TNFAIP3: variants seen among roughly 807,000 people sequenced by gnomAD.
TNFAIP3 encodes the protein tumor necrosis factor alpha-induced protein 3.
TNFAIP3 carries 9 observed loss-of-function variants against 72.4 expected under a neutral mutation model. The ratio of observed to expected loss-of-function variants is 0.12; its 90% CI spans 0.07 to 0.22. TNFAIP3 has a LOEUF of 0.22. TNFAIP3 is among the 10% of genes least tolerant of loss of function. The pLI, the probability that TNFAIP3 is intolerant of heterozygous loss-of-function variation, is 1.00. For synonymous variants in TNFAIP3, 339 were observed against 372.6 expected, an observed-to-expected ratio of 0.91 and a Z score of 1.04; for missense variants, 833 against 1,018.7, an observed-to-expected ratio of 0.82 and a Z score of 2.48.
chr6:137,881,207 C>T lies in TNFAIP3; in HGVS notation c.2261C>T (p.Pro754Leu), dbSNP rs746478308. The T allele has an allele frequency of 9.9e-6, 16 of 1,612,970 alleles. No individual in the cohort carries two copies. Among genetic ancestry groups the T allele is most frequent in the Non-Finnish European group, 1.4e-5 (16 of 1,179,682 alleles). The change falls in exon 9 of 9, where the codon CCC (proline) becomes CTC (leucine). Residue 754 changes from proline (P) to leucine (L), a missense_variant. By Grantham distance (98) the Pro-to-Leu change is moderately conservative (BLOSUM62 -3). Transcript: ENST00000612899. This position sits in a 1 kb window ranked among gnomAD's most constrained non-coding sequence, Gnocchi z 5.0. ...GGGGCCCACCGGGGTGAGCCTGCCC[C>T]CGAAGACCCCCCCAAGCAGCGTTGC... The part of the protein sequence containing the change: ...GPGAHRGEPA[P>L]EDPPKQRCRA...
intron 2 of TNFAIP3, among the ~76,000 whole-genome samples, chr6:137,872,433 C>G (rs1359382762): frequency 6.6e-6 from 1 of 152,160 alleles, no homozygotes; most frequent in African/African-American, 2.4e-5. Flanking sequence ...GTGACAGTCC[C>G]AAACCATCCT....
chr6:137,875,142 G>A, intron 3 of TNFAIP3, 107 bp downstream of exon 3: 1 of 1,346,884 alleles, frequency 7.4e-7, no homozygotes, highest in Non-Finnish European at 1.0e-6. Context: ...TAGGTCACAT[G>A]AATTTGGCTA....
rs147932545 is a variant in TNFAIP3, at chr6:137,875,752, G to A, written c.551G>A (p.Ser184Asn). ...TCCACAGACACACCCATGGCCCGAAGTGGACTTCAGTACAACTCACTGGAA... is the reference window on the plus strand; with the variant it reads ...TCCACAGACACACCCATGGCCCGAAATGGACTTCAGTACAACTCACTGGAA... ...MASTDTPMARSGLQYNSLEEI... is the reference protein window; with the variant it reads ...MASTDTPMARNGLQYNSLEEI... Residue 184 changes from serine (S) to asparagine (N), a missense_variant, in exon 4 of 9, where the codon AGT becomes AAT. Ser to Asn is a conservative substitution (Grantham distance 46). Around this residue, in one of 2 missense-constraint regions of TNFAIP3, gnomAD observed 246 missense variants for 360.9 expected, o/e 0.68. Coordinates refer to ENST00000612899, the MANE Select transcript of TNFAIP3 (RefSeq NM_001270508.2). 31 of 1,614,116 alleles carry A rather than the reference G, an allele frequency of 1.9e-5. 1 individual carries two copies. The African/African-American group carries it at 3.2e-4, about 17-fold the overall frequency.
At chr6:137,875,599 T>C in intron 3 of TNFAIP3, 89 bp from the exon 4 acceptor site, 1 of 1,428,390 alleles carries the variant, frequency 7.0e-7, no homozygotes. Flanking sequence ...GTTATATAAA[T>C]GAATAATTGT....
Position 137,867,476 on chromosome 6 carries a change from G to A in TNFAIP3, c.-82G>A, listed in dbSNP as rs1013418695. 5.2e-5 allele frequency: 8 copies of A among 152,504 alleles called. No homozygotes were observed. Among genetic ancestry groups the A allele is most frequent in the African/African-American group, 1.9e-4 (8 of 41,520 alleles). 9.4% of individuals were successfully genotyped at this position (152,504 alleles called of 1,614,324 possible). ...ACCAGGACTTGGGACTTTGCGAAAGGATCGCGGGGCCCGGAGAGGTAACCG... is the reference window on the plus strand; with the variant it reads ...ACCAGGACTTGGGACTTTGCGAAAGAATCGCGGGGCCCGGAGAGGTAACCG... On this transcript the variant is annotated 5_prime_UTR_variant, in exon 1 of 9. Transcript: ENST00000612899. The surrounding 1 kb of genome is among the most constrained non-coding windows in gnomAD (Gnocchi z 6.0).
chr6:137,876,172 A>G lies in TNFAIP3; in HGVS notation c.805+6A>G. 6.2e-7 allele frequency: 1 copy of G among 1,606,918 alleles called. No individual in the cohort carries two copies. The highest frequency in any genetic ancestry group is 1.7e-4 in the Middle Eastern group (1 of 6,028). Reference sequence around the variant, plus strand: ...CCTGAAGGACAGTGGGCCTGGTGAGAAAACTGCATTAATTCACATCTATAA... The same window carrying G: ...CCTGAAGGACAGTGGGCCTGGTGAGGAAACTGCATTAATTCACATCTATAA... On this transcript the variant is annotated splice_donor_region_variant and intron_variant, in intron 5 of 8. Transcript: ENST00000612899.
At position 137,882,037 on chromosome 6, in the gene TNFAIP3, C is replaced by T. The variant is rs1345635285; in HGVS notation, c.*718C>T. 1.7e-5 allele frequency: 4 copies of T among 231,132 alleles called. No homozygotes were observed. The highest frequency in any genetic ancestry group is 8.8e-5 in the African/African-American group (4 of 45,206). The allele number at this position is 231,132 out of a possible 1,614,324, so 14.3% of individuals were successfully genotyped here. Reference sequence around the variant, plus strand: ...AATATTTTACTGGGAAGACGTGTAACTCTTTGGGTTATTACTGTCTTTACT... The same window carrying T: ...AATATTTTACTGGGAAGACGTGTAATTCTTTGGGTTATTACTGTCTTTACT... On this transcript the variant is annotated 3_prime_UTR_variant, in exon 9 of 9. Transcript: ENST00000612899.
At chr6:137,869,517 G>A (rs1220568786) in intron 1 of TNFAIP3, among the ~76,000 whole-genome samples, 2 of 152,154 alleles carry the variant, frequency 1.3e-5, no homozygotes, top group Non-Finnish European at 2.9e-5. Context: ...CATCAAAAGA[G>A]AGCACCATCT....
chr6:137,881,286 C>T lies in TNFAIP3; in HGVS notation c.2340C>T (p.Asn780=), dbSNP rs754627876. The T allele has an allele frequency of 9.6e-6, 15 of 1,564,420 alleles. No individual in the cohort carries two copies. Among genetic ancestry groups the T allele is most frequent in the African/African-American group, 2.7e-5 (2 of 73,262 alleles). Residue 780 remains asparagine, a synonymous_variant, in exon 9 of 9, where the codon AAC becomes AAT. Transcript: ENST00000612899. The surrounding 1 kb of genome is among the most constrained non-coding windows in gnomAD (Gnocchi z 5.0). ...ATGCCAAGTGCAACGGCTACTGCAA[C>T]GAATGCTTTCAGTTCAAGCAGATGT... is the stretch of plus-strand genomic sequence containing the variant. The part of the protein sequence containing the change: ...FGNAKCNGYC[N]ECFQFKQMYG
Position 137,882,562 on chromosome 6 carries a change from G to T in TNFAIP3, c.*1243G>T. 4.3e-6 allele frequency: 1 copy of T among 232,512 alleles called. No homozygotes were observed. The highest frequency in any genetic ancestry group is 8.5e-6 in the Non-Finnish European group (1 of 117,510). 14.4% of individuals were successfully genotyped at this position (232,512 alleles called of 1,614,324 possible). ...CTTCTCCTTATGAAACTCCAGCTAT[G>T]TAATAAAAAACTATACTCTGTGTTC... On this transcript the variant is annotated 3_prime_UTR_variant, in exon 9 of 9. Transcript: ENST00000612899.
Position 137,881,191 on chromosome 6 carries a change from C to T in TNFAIP3, c.2245C>T (p.Arg749Trp), listed in dbSNP as rs568826568. 9 of 1,613,542 alleles carry T rather than the reference C, an allele frequency of 5.6e-6. No homozygotes were observed. The highest frequency in any genetic ancestry group is 3.3e-5 in the Admixed American group (2 of 59,990). The change falls in exon 9 of 9, where the codon CGG becomes TGG. Residue 749 changes from arginine to tryptophan, a missense_variant. Around this residue, in one of 2 missense-constraint regions of TNFAIP3, gnomAD observed 587 missense variants for 657.8 expected, o/e 0.89. Coordinates refer to ENST00000612899, the MANE Select transcript of TNFAIP3 (RefSeq NM_001270508.2). The surrounding 1 kb of genome is among the most constrained non-coding windows in gnomAD (Gnocchi z 5.0). ...CCAGAGGATGGGCCCTGGGGCCCAC[C>T]GGGGTGAGCCTGCCCCCGAAGACCC... is the stretch of plus-strand genomic sequence containing the variant. ...PNQRMGPGAH[R>W]GEPAPEDPPK...
At chr6:137,869,825 C>T (rs930023586) in intron 1 of TNFAIP3, among the ~76,000 whole-genome samples, 1 of 152,214 alleles carries the variant, frequency 6.6e-6, no homozygotes, top group Non-Finnish European at 1.5e-5. Context: ...ATGGAATTAA[C>T]AATCACTGTG....
intron 1 of TNFAIP3, among the ~76,000 whole-genome samples, chr6:137,869,188 T>C (rs1314267873): frequency 6.6e-6 from 1 of 152,192 alleles, no homozygotes; most frequent in East Asian, 1.9e-4. Context: ...TGTAACTCCA[T>C]TGCCTTAGCT....
rs1775883570 is a variant in TNFAIP3, at chr6:137,867,630, G to GGCACCA, written c.-16+93_-16+94insAGCACC. 1 of 152,876 alleles carries GGCACCA rather than the reference G, an allele frequency of 6.5e-6. No homozygotes were observed. Among genetic ancestry groups the GGCACCA allele is most frequent in the Non-Finnish European group, 1.5e-5 (1 of 68,464 alleles). The allele number at this position is 152,876 out of a possible 1,614,324, so 9.5% of individuals were successfully genotyped here. A position where few individuals can be genotyped will look rare whatever the true frequency, so the allele number is the denominator to read the frequency against. On this transcript the variant is annotated intron_variant, in intron 1 of 8. Transcript: ENST00000612899. This position sits in a 1 kb window ranked among gnomAD's most constrained non-coding sequence, Gnocchi z 6.0. The stretch of plus-strand genomic sequence containing the variant: ...CATGTTGGGCAGCGACCCCCGGGCT[G>GGCACCA]GCACCGTCTACCTGGCGTTGGTTTT...
chr6:137,870,458 C>T (rs945874759), intron 1 of TNFAIP3, among the ~76,000 whole-genome samples: 8 of 152,074 alleles, frequency 5.3e-5, no homozygotes, highest in African/African-American at 1.7e-4. Context: ...ATATGAAGTC[C>T]GGTGCGGAGG....
At chr6:137,873,182 G>A (rs1474318915) in intron 2 of TNFAIP3, among the ~76,000 whole-genome samples, 2 of 152,228 alleles carry the variant, frequency 1.3e-5, no homozygotes, top group East Asian at 3.9e-4. Flanking sequence ...TATTTAGGGA[G>A]GGAGGAAAAC....
rs772257583 is a variant in TNFAIP3 at position 137,867,868 on chromosome 6, C to G, written c.-16+326C>G. 2.0e-5 allele frequency: 3 copies of G among 152,470 alleles called. No individual in the cohort carries two copies. Among genetic ancestry groups the G allele is most frequent in the Non-Finnish European group, 4.4e-5 (3 of 68,084 alleles). The allele number at this position is 152,470 out of a possible 1,614,324, so 9.4% of individuals were successfully genotyped here. A position where few individuals can be genotyped will look rare whatever the true frequency, so the allele number is the denominator to read the frequency against. ...TCGGGTGGTCGTTGGCGCTTTGCTC[C>G]TTTCGTGTCTTTTTTGGAGCCAAGC... On this transcript the variant is annotated intron_variant, in intron 1 of 8. Transcript: ENST00000612899. The surrounding 1 kb of genome is among the most constrained non-coding windows in gnomAD (Gnocchi z 6.0).
At position 137,871,445 on chromosome 6, in the gene TNFAIP3, T is replaced by C; in HGVS notation, c.218T>C (p.Ile73Thr). 2 of 1,614,170 alleles carry C rather than the reference T, an allele frequency of 1.2e-6. No homozygotes were observed. The highest frequency in any genetic ancestry group is 1.7e-6 in the Non-Finnish European group (2 of 1,180,032). ...CACAAAGCCCTCATCGACAGAAACA[T>C]CCAGGCCACCCTGGAAAGCCAGAAG... is the stretch of plus-strand genomic sequence containing the variant. ...IIHKALIDRN[I>T]QATLESQKKL... The change falls in exon 2 of 9, where the codon ATC becomes ACC. Residue 73 changes from isoleucine (I) to threonine (T), a missense_variant. Physicochemically the swap from Ile to Thr is moderately conservative, Grantham distance 89. Transcript: ENST00000612899. This position sits in a 1 kb window ranked among gnomAD's most constrained non-coding sequence, Gnocchi z 4.2.
rs1035582992 is a variant in TNFAIP3 at position 137,878,550 on chromosome 6, G to A, written c.1105G>A (p.Ala369Thr). The A allele has an allele frequency of 2.5e-5, 41 of 1,614,108 alleles. No individual in the cohort carries two copies. The highest frequency in any genetic ancestry group is 4.0e-5 in the African/African-American group (3 of 74,942). ...NSEQGRREGH[A>T]QNPMEPSVPQ... ...CGAGCAGGGGAGGAGAGAGGGGCAC[G>A]CCCAGAATCCCATGGAACCTTCCGT... The change falls in exon 7 of 9, where the codon GCC becomes ACC. Residue 369 changes from alanine (A) to threonine (T), a missense_variant. By Grantham distance (58) the Ala-to-Thr change is moderately conservative (BLOSUM62 0). Transcript: ENST00000612899.
Sources: gnomAD v4.1 joint callset for allele counts (sites outside exome capture counted in the v4.1 genomes callset) on GRCh38, gnomAD v4.1.1 for gene constraint, gnomAD v4.1.1 regional missense constraint, Gnocchi (gnomAD v3.1) non-coding constraint, MANE v1.5 for transcripts, NCBI Gene and HGNC (gene_info 2026-07-23, HGNC 2026-07-21) for gene names.